Variants in RELN observed in about 807,000 individuals in gnomAD.
The protein encoded by RELN is reelin.
In RELN, 108 loss-of-function variants were observed where a neutral mutation model predicts 427.6. The observed-to-expected ratio is 0.25, with a 90% confidence interval of 0.22 to 0.30. The LOEUF is 0.30. Ranked by LOEUF, RELN falls within the 10% of genes least tolerant of loss-of-function variation. The probability of loss-of-function intolerance (pLI) is 1.00; values close to 1 mark genes in which losing one functional copy is unlikely to be tolerated. For synonymous variants in RELN, 1,524 were observed against 1,513.4 expected (o/e 1.01, Z -0.16); for missense variants, 3,715 against 4,302.8 (o/e 0.86, Z 3.82).
intron 17 of RELN, among the ~76,000 whole-genome samples, chr7:103,639,360 C>T (rs376004999): frequency 3.8e-4 from 58 of 151,802 alleles, no homozygotes; most frequent in African/African-American, 1.3e-3. Flanking sequence ...TGTCAACAAG[C>T]GCTTGGCTCA....
In RELN at chr7:103,959,556, T is replaced by C. The variant is rs182111606; in HGVS notation, c.226+29575A>G. ...CCCACTGAAGTAAATGACAACTCCA[T>C]TCCCCAAGTTGCTCAAGTCAGAACT... is the stretch of plus-strand genomic sequence containing the variant. On this transcript the variant is annotated intron_variant, in intron 1 of 64. Transcript: ENST00000428762. Among the ~76,000 whole-genome samples the C allele has an allele frequency of 6.8e-4, 103 of 152,254 alleles. 2 individuals carry two copies. Among genetic ancestry groups the C allele is most frequent in the Admixed American group, 5.4e-3 (83 of 15,282 alleles).
intron 2 of RELN, among the ~76,000 whole-genome samples, chr7:103,907,654 A>T (rs1186535994): frequency 6.6e-6 from 1 of 151,826 alleles, no homozygotes; most frequent in Non-Finnish European, 1.5e-5. Flanking sequence ...TCTTGTGAAT[A>T]TACTGCAAAT....
intron 20 of RELN, among the ~76,000 whole-genome samples, chr7:103,624,360 A>T: frequency 6.6e-6 from 1 of 152,140 alleles, no homozygotes; most frequent in Non-Finnish European, 1.5e-5. Context: ...GTGGAAAATC[A>T]GGCTTCAAAG....
rs557749857 is a variant in RELN, at chr7:103,647,320, C to A, written c.2002+2954G>T. Among the ~76,000 whole-genome samples the A allele has an allele frequency of 6.6e-5, 10 of 151,964 alleles. No individual in the cohort carries two copies. In the South Asian group the frequency reaches 8.3e-4, roughly 13 times the overall value. On this transcript the variant is annotated intron_variant, in intron 16 of 64. Transcript: ENST00000428762. ...TATACCTAAAAAATCCTAAAAAATTCTCTCAAAGACTCCTAGATTTGATAA... is the reference window on the plus strand; with the variant it reads ...TATACCTAAAAAATCCTAAAAAATTATCTCAAAGACTCCTAGATTTGATAA...
At chr7:103,847,589 G>A (rs28710358) in intron 2 of RELN, among the ~76,000 whole-genome samples, 21,398 of 152,104 alleles carry the variant, frequency 0.14, 1,706 homozygotes, top group East Asian at 0.29. Context: ...ATAATATCAT[G>A]TAACTGACAG....
At chr7:103,776,482 T>C (rs1791745218) in intron 4 of RELN, 75 bp downstream of exon 4, 3 of 1,436,056 alleles carry the variant, frequency 2.1e-6, no homozygotes, top group Non-Finnish European at 2.9e-6. Context: ...ATGAAATGCT[T>C]ACTTGGTACA....
In RELN at chr7:103,573,992, T is replaced by A; in HGVS notation, c.4511+100A>T. ...CATAATCTATATACAGAAACATTAT[T>A]GTATATATTCCCAATAACAGAACAG... is the stretch of plus-strand genomic sequence containing the variant. On this transcript the variant is annotated intron_variant, in intron 30 of 64. Coordinates refer to ENST00000428762, the MANE Select transcript of RELN (RefSeq NM_005045.4). The surrounding 1 kb of genome is among the most constrained non-coding windows in gnomAD (Gnocchi z 4.4). 1.1e-5 allele frequency: 10 copies of A among 934,088 alleles called. No individual in the cohort carries two copies. In the South Asian group the frequency reaches 1.2e-4, roughly 11 times the overall value. The allele number at this position is 934,088 out of a possible 1,614,324, so 57.9% of individuals were successfully genotyped here. A position where few individuals can be genotyped will look rare whatever the true frequency, so the allele number is the denominator to read the frequency against.
At chr7:103,803,630 G>T (rs1218040276) in intron 3 of RELN, among the ~76,000 whole-genome samples, 6 of 152,084 alleles carry the variant, frequency 3.9e-5, no homozygotes, top group Admixed American at 3.9e-4. Flanking sequence ...TTATCAAGTT[G>T]CTTAGAGATT....
chr7:103,682,326 C>T (rs1833672481), intron 10 of RELN, 65 bp from the exon 11 acceptor site: 2 of 1,560,518 alleles, frequency 1.3e-6, no homozygotes, highest in Middle Eastern at 1.7e-4. Flanking sequence ...CTGTCTTACT[C>T]ATGTATAATT....
intron 10 of RELN, among the ~76,000 whole-genome samples, chr7:103,686,835 G>C (rs915125356): frequency 3.3e-5 from 5 of 152,102 alleles, no homozygotes; most frequent in African/African-American, 1.2e-4. Flanking sequence ...AAAATAGAAA[G>C]AGAACGATTT....
At position 103,833,594 on chromosome 7, in the gene RELN, G is replaced by C. The variant is rs79471015; in HGVS notation, c.416C>G (p.Thr139Ser). The change falls in exon 3 of 65, where the codon ACC (threonine) becomes AGC (serine). Residue 139 changes from threonine (T) to serine (S), a missense_variant. Physicochemically the swap from Thr to Ser is moderately conservative, Grantham distance 58. Transcript: ENST00000428762. ...AGCAATCCAGATGAAACTGAGGTTG[G>C]TTGTGGGCAGGTGACTCACGTGAGA... ...VASHVSHLPT[T>S]NLSFIWIAPP... 5,039 of 1,613,960 alleles carry C rather than the reference G, an allele frequency of 3.1e-3. 154 individuals are homozygous for C. The East Asian group carries it at 0.072, about 23-fold the overall frequency.
At chr7:103,710,570 TA>T (rs1364770815) in intron 8 of RELN, among the ~76,000 whole-genome samples, 1 of 152,138 alleles carries the variant, frequency 6.6e-6, no homozygotes, top group Non-Finnish European at 1.5e-5. Flanking sequence ...TCCTCAAATA[TA>T]AATAAGAGAG....
At chr7:103,549,051 A>G (rs1830358847) in intron 41 of RELN, among the ~76,000 whole-genome samples, 1 of 152,122 alleles carries the variant, frequency 6.6e-6, no homozygotes, top group African/African-American at 2.4e-5. Flanking sequence ...ATTGGAGGAA[A>G]TTAGAGGTCC....
At chr7:103,811,338 G>T (rs1278916285) in intron 3 of RELN, among the ~76,000 whole-genome samples, 1 of 152,106 alleles carries the variant, frequency 6.6e-6, no homozygotes, top group African/African-American at 2.4e-5. Context: ...AGAAGGGCCT[G>T]GGTTTAATCA....
At chr7:103,643,038 T>C (rs375485973) in intron 16 of RELN, among the ~76,000 whole-genome samples, 1 of 152,094 alleles carries the variant, frequency 6.6e-6, no homozygotes, top group African/African-American at 2.4e-5. Flanking sequence ...TGGATAAATA[T>C]TGGGAAATAA....
rs751407327 is a variant in RELN at position 103,522,215 on chromosome 7, G to GA, written c.7491-17dup. ...TTCATCACAGCTGGGTGCAGAGCAA[G>GA]AGAGAGGAAAAGTCAACATCAGACA... is the stretch of plus-strand genomic sequence containing the variant. On this transcript the variant is annotated splice_polypyrimidine_tract_variant and intron_variant, in intron 47 of 64. Coordinates refer to ENST00000428762, the MANE Select transcript of RELN (RefSeq NM_005045.4). 6.2e-7 allele frequency: 1 copy of GA among 1,613,368 alleles called. No individual in the cohort carries two copies. Among genetic ancestry groups the GA allele is most frequent in the South Asian group, 1.1e-5 (1 of 90,992 alleles).
chr7:103,896,090 A>T (rs1206679928), intron 2 of RELN, among the ~76,000 whole-genome samples: 1 of 151,614 alleles, frequency 6.6e-6, no homozygotes. Flanking sequence ...CTCAGTATCA[A>T]TAGTTATCTG....
At chr7:103,610,596 C>T in intron 22 of RELN, 99 bp downstream of exon 22, 2 of 754,438 alleles carry the variant, frequency 2.7e-6, no homozygotes, top group South Asian at 2.8e-5. Flanking sequence ...CTTAACTTGC[C>T]TTCATATTCA....
In RELN at chr7:103,619,104, C is replaced by T. The variant is rs182301937; in HGVS notation, c.2703-7301G>A. Among the ~76,000 whole-genome samples, 181 of 144,890 alleles carry T rather than the reference C, an allele frequency of 1.2e-3. 1 individual carries two copies. The East Asian group carries it at 0.014, about 11-fold the overall frequency. ...AGCCTGGGCGACAGAGTGAGACTCC[C>T]TCTCAAATTAAAAAAAAAAAAATTC... On this transcript the variant is annotated intron_variant, in intron 20 of 64. Coordinates refer to ENST00000428762, the MANE Select transcript of RELN (RefSeq NM_005045.4).
Sources: gnomAD v4.1 joint callset for allele counts (sites outside exome capture counted in the v4.1 genomes callset) on GRCh38, gnomAD v4.1.1 for gene constraint, Gnocchi (gnomAD v3.1) non-coding constraint, MANE v1.5 for transcripts, NCBI Gene and HGNC (gene_info 2026-07-23, HGNC 2026-07-21) for gene names.